AKAP9: variants seen among roughly 807,000 people sequenced by gnomAD.
AKAP9 encodes the protein A-kinase anchor protein 9.
A neutral mutation model predicts 488.5 loss-of-function variants in AKAP9; 311 were observed. The ratio of observed to expected loss-of-function variants is 0.64; its 90% CI spans 0.58 to 0.70. AKAP9 has a LOEUF of 0.70. Among genes scored for constraint, AKAP9 ranks in the 30% least tolerant of loss-of-function variants. The pLI, the probability that AKAP9 is intolerant of heterozygous loss-of-function variation, is 0.00. For missense variants in AKAP9, 4,215 were observed against 4,374.5 expected, an observed-to-expected ratio of 0.96 and a Z score of 1.03; for synonymous variants, 1,462 against 1,483.5, an observed-to-expected ratio of 0.99 and a Z score of 0.33.
In AKAP9 at chr7:92,096,672, T is replaced by A; in HGVS notation, c.9730-17T>A. 1.2e-6 allele frequency: 2 copies of A among 1,613,648 alleles called. No individual in the cohort carries two copies. The highest frequency in any genetic ancestry group is 8.5e-7 in the Non-Finnish European group (1 of 1,179,978). On this transcript the variant is annotated splice_polypyrimidine_tract_variant and intron_variant, in intron 40 of 49. Coordinates refer to ENST00000356239, the MANE Select transcript of AKAP9 (RefSeq NM_005751.5). ...AATAATATTAACAAGTTCTTAAATT[T>A]GATTTTCTCGTACCAGGATCTGAAG...
chr7:91,956,399 C>CAAACAAAAAAA (rs1793014212), intron 1 of AKAP9, among the ~76,000 whole-genome samples: 1 of 108,130 alleles, frequency 9.2e-6, no homozygotes, highest in Non-Finnish European at 2.0e-5. Context: ...GACTCTGTCT[C>CAAACAAAAAAA]AAAAAAAAAA....
At chr7:92,008,506 T>A (rs1584085366) in intron 8 of AKAP9, among the ~76,000 whole-genome samples, 1 of 150,274 alleles carries the variant, frequency 6.7e-6, no homozygotes, top group East Asian at 1.9e-4. Flanking sequence ...GCTAACACAG[T>A]GAAACCCCAT....
At chr7:92,033,769 A>G (rs561541962) in intron 16 of AKAP9, among the ~76,000 whole-genome samples, 2 of 152,314 alleles carry the variant, frequency 1.3e-5, no homozygotes, top group African/African-American at 4.8e-5. Context: ...ACAAGGCTAT[A>G]TAGAAGAAGC....
intron 2 of AKAP9, among the ~76,000 whole-genome samples, chr7:91,979,628 T>C (rs1405055926): frequency 6.6e-6 from 1 of 152,176 alleles, no homozygotes; most frequent in Non-Finnish European, 1.5e-5. Context: ...GTTTAATTGA[T>C]AAATTAGGCA....
At chr7:91,983,026 T>C (rs1308081495) in intron 3 of AKAP9, among the ~76,000 whole-genome samples, 1 of 152,092 alleles carries the variant, frequency 6.6e-6, no homozygotes, top group Non-Finnish European at 1.5e-5. Flanking sequence ...TGTTTTTTGA[T>C]GGGGTTGTTT....
Position 92,070,401 on chromosome 7 carries a change from G to GTTGTTTTGTT in AKAP9, c.6507+233_6507+242dup, listed in dbSNP as rs71528034. On this transcript the variant is annotated intron_variant, in intron 27 of 49. Transcript: ENST00000356239. ...AAGGGAAGAGTTTTTTGTTGTTGTT[G>GTTGTTTTGTT]TTGTTTTGTTTTGTTTTGTTTTGTT... is the stretch of plus-strand genomic sequence containing the variant. Among the ~76,000 whole-genome samples, 56 of 145,544 alleles carry GTTGTTTTGTT rather than the reference G, an allele frequency of 3.8e-4. 1 individual carries two copies. The highest frequency in any genetic ancestry group is 1.2e-3 in the East Asian group (6 of 4,878).
chr7:91,950,594 C>T (rs1276571566), intron 1 of AKAP9, among the ~76,000 whole-genome samples: 1 of 152,106 alleles, frequency 6.6e-6, no homozygotes, highest in Non-Finnish European at 1.5e-5. Context: ...AAGATAGTGA[C>T]AGGGATCAAT....
rs569480136 is a variant in AKAP9, at chr7:91,996,616, C to T, written c.930+816C>T. 1.1e-4 allele frequency among the ~76,000 whole-genome samples: 16 copies of T among 152,242 alleles called. No individual in the cohort carries two copies. In the East Asian group the frequency reaches 1.5e-3, roughly 15 times the overall value. On this transcript the variant is annotated intron_variant, in intron 7 of 49. Transcript: ENST00000356239. Reference sequence around the variant, plus strand: ...ATGTCCAGCAACTCAAATTTTTTGTCGCTCTGTGCACACCTACAAATGACT... The same window carrying T: ...ATGTCCAGCAACTCAAATTTTTTGTTGCTCTGTGCACACCTACAAATGACT...
rs769472870 is a variant in AKAP9 at position 92,022,718 on chromosome 7, A to G, written c.3953-96A>G. On this transcript the variant is annotated intron_variant, in intron 13 of 49. Transcript: ENST00000356239. ...ATTACCACTAAAAACATACTTTTTC[A>G]AAAAAGAATTAATATTTTCTGTACA... 34 of 865,036 alleles carry G rather than the reference A, an allele frequency of 3.9e-5. 1 individual carries two copies. Among genetic ancestry groups the G allele is most frequent in the Admixed American group, 3.8e-4 (14 of 36,580 alleles). 53.6% of individuals were successfully genotyped at this position (865,036 alleles called of 1,614,324 possible). A position where few individuals can be genotyped will look rare whatever the true frequency, so the allele number is the denominator to read the frequency against.
intron 32 of AKAP9, 123 bp from the exon 33 acceptor site, chr7:92,083,047 T>C: frequency 8.6e-7 from 1 of 1,168,584 alleles, no homozygotes; most frequent in Non-Finnish European, 1.2e-6. Flanking sequence ...ATGTTTTTCC[T>C]ACTACTCTGA....
chr7:92,065,928 T>C (rs995667070), intron 25 of AKAP9, among the ~76,000 whole-genome samples: 10 of 152,196 alleles, frequency 6.6e-5, no homozygotes, highest in African/African-American at 2.4e-4. Context: ...ATTTCACATT[T>C]TTTTTTCCTT....
chr7:91,994,615 T>C lies in AKAP9; in HGVS notation c.577-6T>C. On this transcript the variant is annotated splice_polypyrimidine_tract_variant and splice_region_variant and intron_variant, in intron 5 of 49. Coordinates refer to ENST00000356239, the MANE Select transcript of AKAP9 (RefSeq NM_005751.5). ...AATAAATCTAGCACTTACTATTTTC[T>C]TTCAGTTACAAGAATTTGAAGCTGC... is the stretch of plus-strand genomic sequence containing the variant. 6.2e-7 allele frequency: 1 copy of C among 1,610,032 alleles called. No homozygotes were observed. Among genetic ancestry groups the C allele is most frequent in the African/African-American group, 1.3e-5 (1 of 74,914 alleles).
intron 1 of AKAP9, among the ~76,000 whole-genome samples, chr7:91,943,067 C>T (rs961478345): frequency 5.3e-5 from 8 of 151,418 alleles, no homozygotes; most frequent in Non-Finnish European, 1.0e-4. Flanking sequence ...TGGTGGTGTG[C>T]GCCTGTATGT....
chr7:91,952,901 C>T (rs1792440157), intron 1 of AKAP9, among the ~76,000 whole-genome samples: 1 of 152,088 alleles, frequency 6.6e-6, no homozygotes, highest in East Asian at 1.9e-4. Context: ...GTCATTGCAG[C>T]CTTGAACTCC....
In AKAP9 at chr7:92,102,720, C is replaced by T. The variant is rs376311830; in HGVS notation, c.11224C>T (p.Arg3742Trp). The T allele has an allele frequency of 8.7e-6, 14 of 1,614,160 alleles. No individual in the cohort carries two copies. The highest frequency in any genetic ancestry group is 2.2e-5 in the East Asian group (1 of 44,884). The change falls in exon 46 of 50, where the codon CGG (arginine) becomes TGG (tryptophan). Residue 3742 changes from arginine to tryptophan, a missense_variant. By Grantham distance (101) the Arg-to-Trp change is moderately radical. This residue lies in a region of AKAP9 where 253 missense variants were observed against 266.8 expected (regional missense o/e 0.95). Transcript: ENST00000356239. The stretch of plus-strand genomic sequence containing the variant: ...AGATGCCACCTTGGCCCTGCTTGCC[C>T]GGATGGGGGGGCAGCCAGCTTTCAC... ...CEDATLALLARMGGQPAFTDL... is the reference protein window; with the variant it reads ...CEDATLALLAWMGGQPAFTDL...
At chr7:91,962,650 AAT>A (rs1420680181) in intron 1 of AKAP9, among the ~76,000 whole-genome samples, 1 of 152,204 alleles carries the variant, frequency 6.6e-6, no homozygotes, top group African/African-American at 2.4e-5. Context: ...TCTGAAAAAT[AAT>A]ATGACTTCAT....
intron 28 of AKAP9, among the ~76,000 whole-genome samples, chr7:92,076,563 CTT>C (rs1007797840): frequency 1.3e-5 from 2 of 152,178 alleles, no homozygotes; most frequent in East Asian, 1.9e-4. Context: ...TCCTATGACT[CTT>C]TTCTGCTTCA....
At chr7:92,058,040 T>C (rs1413634867) in intron 22 of AKAP9, 3 of 352,414 alleles carry the variant, frequency 8.5e-6, no homozygotes, top group African/African-American at 2.1e-5. Context: ...TTATAACATT[T>C]ATTTGATAGT....
At chr7:92,104,514 A>G (rs1818210775) in intron 46 of AKAP9, among the ~76,000 whole-genome samples, 1 of 152,110 alleles carries the variant, frequency 6.6e-6, no homozygotes, top group African/African-American at 2.4e-5. Context: ...AATATGGCAC[A>G]GTTTTTTAAT....
Sources: allele counts gnomAD v4.1 joint callset (sites outside exome capture counted in the v4.1 genomes callset), GRCh38; gene constraint gnomAD v4.1.1; regional missense constraint gnomAD v4.1.1; transcripts MANE v1.5; gene names NCBI Gene and HGNC (gene_info 2026-07-23, HGNC 2026-07-21).